The following BRINP1 variants were observed in gnomAD, a reference collection of about 807,000 sequenced individuals.
The protein encoded by BRINP1 is BMP/retinoic acid-inducible neural-specific protein 1.
BRINP1 carries 17 observed loss-of-function variants against 72.9 expected under a neutral mutation model. The observed-to-expected ratio is 0.23, with a 90% CI of 0.16 to 0.35. The LOEUF is 0.35. BRINP1 is among the 10% of genes least tolerant of loss of function. The probability of loss-of-function intolerance (pLI) is 1.00; values close to 1 mark genes in which losing one functional copy is unlikely to be tolerated. For missense variants in BRINP1, 850 were observed against 1,001.6 expected, an observed-to-expected ratio of 0.85 and a Z score of 2.04; for synonymous variants, 418 against 378.5, an observed-to-expected ratio of 1.10 and a Z score of -1.21.
At chr9:119,222,892 T>C (rs932241876) in intron 5 of BRINP1, among the ~76,000 whole-genome samples, 2 of 151,654 alleles carry the variant, frequency 1.3e-5, no homozygotes, top group Non-Finnish European at 2.9e-5. Context: ...TAAGAAGAGG[T>C]TGGTTCAATT....
At chr9:119,366,814 G>A (rs1831697366) in intron 1 of BRINP1, among the ~76,000 whole-genome samples, 1 of 151,832 alleles carries the variant, frequency 6.6e-6, no homozygotes, top group Non-Finnish European at 1.5e-5. Context: ...TCTAGTCCTG[G>A]GCATGCCACT....
chr9:119,202,976 TG>T (rs932264262), intron 7 of BRINP1, among the ~76,000 whole-genome samples: 1 of 152,178 alleles, frequency 6.6e-6, no homozygotes, highest in African/African-American at 2.4e-5. Flanking sequence ...CATGTCTTTC[TG>T]GGTTTCTGCT....
intron 2 of BRINP1, among the ~76,000 whole-genome samples, chr9:119,280,321 C>A (rs1229120577): frequency 1.3e-5 from 2 of 151,706 alleles, no homozygotes; most frequent in Non-Finnish European, 2.9e-5. Flanking sequence ...TCACTGCAAG[C>A]TCCCTCTCCT....
intron 7 of BRINP1, among the ~76,000 whole-genome samples, chr9:119,192,080 A>G (rs900862780): frequency 4.6e-5 from 7 of 152,002 alleles, no homozygotes; most frequent in African/African-American, 1.7e-4. Flanking sequence ...CCCTTATCTT[A>G]CATCATACAC....
At chr9:119,307,522 A>T (rs1324092671) in intron 2 of BRINP1, among the ~76,000 whole-genome samples, 23 of 152,214 alleles carry the variant, frequency 1.5e-4, no homozygotes, top group Non-Finnish European at 1.5e-5. Context: ...ACTGAAGCTG[A>T]TAATTTTTTT....
At chr9:119,262,874 A>G (rs549465508) in intron 2 of BRINP1, among the ~76,000 whole-genome samples, 6 of 152,298 alleles carry the variant, frequency 3.9e-5, no homozygotes, top group African/African-American at 1.4e-4. Flanking sequence ...ATTTATTAAT[A>G]TATTCTTTCA....
chr9:119,325,238 C>T (rs1293790650), intron 1 of BRINP1, among the ~76,000 whole-genome samples: 2 of 152,152 alleles, frequency 1.3e-5, no homozygotes, highest in Non-Finnish European at 2.9e-5. Flanking sequence ...ACATAATCAA[C>T]ATCTCTAGGA....
intron 1 of BRINP1, among the ~76,000 whole-genome samples, chr9:119,333,525 A>AT: frequency 6.6e-6 from 1 of 151,956 alleles, no homozygotes; most frequent in South Asian, 2.1e-4. Flanking sequence ...AAAAAAATAA[A>AT]TTTTCCCCTC....
intron 1 of BRINP1, among the ~76,000 whole-genome samples, chr9:119,360,098 T>C (rs746064718): frequency 6.6e-6 from 1 of 152,220 alleles, no homozygotes; most frequent in Non-Finnish European, 1.5e-5. Flanking sequence ...GTCCTATTGA[T>C]ATACATTCAG....
chr9:119,350,506 T>G (rs1831496475), intron 1 of BRINP1, among the ~76,000 whole-genome samples: 1 of 152,138 alleles, frequency 6.6e-6, no homozygotes, highest in Non-Finnish European at 1.5e-5. Context: ...ATCAGCCACA[T>G]GGGTTTGCTT....
intron 5 of BRINP1, among the ~76,000 whole-genome samples, chr9:119,236,149 C>G (rs968546016): frequency 2.6e-5 from 4 of 152,144 alleles, no homozygotes; most frequent in Non-Finnish European, 5.9e-5. Flanking sequence ...CCTTCTTTTA[C>G]TATTTATCAT....
chr9:119,167,825 G>A lies in BRINP1; in HGVS notation c.1545C>T (p.Phe515=), dbSNP rs770210209. ...TGCGCTTGCGCCACCGAGGGTCAAA[G>A]AAGGTGTCGAGGCGGATCTCGTTGC... The part of the protein sequence containing the change: ...FISNEIRLDT[F]FDPRWRKRMS... Residue 515 remains phenylalanine, a synonymous_variant, in exon 8 of 8, where the codon TTC becomes TTT. Transcript: ENST00000265922. The surrounding 1 kb of genome is among the most constrained non-coding windows in gnomAD (Gnocchi z 4.3). 6 of 1,614,084 alleles carry A rather than the reference G, an allele frequency of 3.7e-6. No homozygotes were observed. The Admixed American group carries it at 1.0e-4, about 27-fold the overall frequency.
chr9:119,365,329 G>T (rs1831680306), intron 1 of BRINP1, among the ~76,000 whole-genome samples: 1 of 152,148 alleles, frequency 6.6e-6, no homozygotes, highest in Non-Finnish European at 1.5e-5. Context: ...GAGCACAACT[G>T]GAAAAATTAT....
At chr9:119,358,464 T>C (rs4582629) in intron 1 of BRINP1, among the ~76,000 whole-genome samples, 139,475 of 151,238 alleles carry the variant, frequency 0.92, 65,334 homozygotes, top group East Asian at 1. Flanking sequence ...GAGGCTGAGG[T>C]GGGCAGATCA....
At chr9:119,255,757 C>T (rs1287349196) in intron 2 of BRINP1, among the ~76,000 whole-genome samples, 1 of 151,898 alleles carries the variant, frequency 6.6e-6, no homozygotes, top group Non-Finnish European at 1.5e-5. Context: ...AGTTCAAGAC[C>T]AGCCTGGGAA....
chr9:119,368,128 C>T lies in BRINP1; in HGVS notation c.-51+928G>A, dbSNP rs930478270. ...TCCTTTCCCCTGAGGGGGATCCATG[C>T]AAACTTGCCAGATCCTCCCCAAAAC... On this transcript the variant is annotated intron_variant, in intron 1 of 7. Coordinates refer to ENST00000265922, the MANE Select transcript of BRINP1 (RefSeq NM_014618.3). The surrounding 1 kb of genome is among the most constrained non-coding windows in gnomAD (Gnocchi z 4.7). 6.6e-6 allele frequency among the ~76,000 whole-genome samples: 1 copy of T among 152,216 alleles called. No homozygotes were observed. Among genetic ancestry groups the T allele is most frequent in the South Asian group, 2.1e-4 (1 of 4,830 alleles).
Position 119,187,117 on chromosome 9 carries a change from T to G in BRINP1, c.1146-18893A>C, listed in dbSNP as rs115915765. On this transcript the variant is annotated intron_variant, in intron 7 of 7. Coordinates refer to ENST00000265922, the MANE Select transcript of BRINP1 (RefSeq NM_014618.3). ...GAGCTACTGAAGTGCCTTGGAATCG[T>G]AATCCTCTGCTTGGTGGGAGAGCTA... is the stretch of plus-strand genomic sequence containing the variant. 2.9e-3 allele frequency among the ~76,000 whole-genome samples: 447 copies of G among 151,932 alleles called. 1 individual carries two copies. Among genetic ancestry groups the G allele is most frequent in the African/African-American group, 0.01 (416 of 41,438 alleles).
intron 4 of BRINP1, 132 bp downstream of exon 4, chr9:119,241,915 G>A: frequency 1.1e-6 from 1 of 905,280 alleles, no homozygotes; most frequent in Non-Finnish European, 1.7e-6. Context: ...AGTCAAAGCA[G>A]CTGGCAGAGG....
intron 7 of BRINP1, among the ~76,000 whole-genome samples, chr9:119,169,078 C>A (rs1366918436): frequency 1.3e-5 from 2 of 152,194 alleles, no homozygotes; most frequent in East Asian, 3.9e-4. Flanking sequence ...TGGAACCAAC[C>A]AAAATGCCCA....
Sources: gnomAD v4.1 joint callset for allele counts (sites outside exome capture counted in the v4.1 genomes callset) on GRCh38, gnomAD v4.1.1 for gene constraint, Gnocchi (gnomAD v3.1) non-coding constraint, MANE v1.5 for transcripts, NCBI Gene and HGNC (gene_info 2026-07-23, HGNC 2026-07-21) for gene names.